The following DPP10 variants were observed in gnomAD, a reference collection of about 807,000 sequenced individuals.
The protein encoded by DPP10 is dipeptidyl peptidase like 10.
DPP10 carries 33 observed loss-of-function variants against 120.9 expected under a neutral mutation model. The observed-to-expected ratio is 0.27, with a 90% CI of 0.21 to 0.37. The LOEUF (loss-of-function observed/expected upper bound fraction) is 0.37, where lower values mean the gene tolerates loss of function less well. Ranked by LOEUF, DPP10 falls within the 10% of genes least tolerant of loss-of-function variation. DPP10 has a pLI of 1.00. For synonymous variants in DPP10, 337 were observed against 326.1 expected, an observed-to-expected ratio of 1.03 and a Z score of -0.36; for missense variants, 816 against 942.8, an observed-to-expected ratio of 0.87 and a Z score of 1.76.
chr2:115,752,337 T>C (rs970249307), intron 10 of DPP10, among the ~76,000 whole-genome samples: 4 of 152,120 alleles, frequency 2.6e-5, no homozygotes, highest in African/African-American at 9.7e-5. Context: ...TGCGTGTGAG[T>C]TGGAAGCTTT....
intron 3 of DPP10, among the ~76,000 whole-genome samples, chr2:115,407,603 G>A (rs1473917018): frequency 6.6e-6 from 1 of 152,080 alleles, no homozygotes; most frequent in East Asian, 1.9e-4. Context: ...CAAGGGGTGG[G>A]TGAGGACAGC....
chr2:115,627,364 G>C (rs937976921), intron 5 of DPP10, among the ~76,000 whole-genome samples: 1 of 152,062 alleles, frequency 6.6e-6, no homozygotes, highest in Admixed American at 6.6e-5. Flanking sequence ...GCTAGGGGAG[G>C]AGAGCACCCC....
At chr2:114,539,593 T>C (rs1278036105) in intron 1 of DPP10, among the ~76,000 whole-genome samples, 1 of 152,220 alleles carries the variant, frequency 6.6e-6, no homozygotes, top group Non-Finnish European at 1.5e-5. Context: ...CTAATTCTTA[T>C]GCAGCTTTCA....
At chr2:115,050,579 A>G (rs148714150) in intron 1 of DPP10, among the ~76,000 whole-genome samples, 1 of 152,304 alleles carries the variant, frequency 6.6e-6, no homozygotes, top group Non-Finnish European at 1.5e-5. Flanking sequence ...ATTAATTAAA[A>G]GCTTAGGATG....
At chr2:114,955,055 A>C (rs1360075237) in intron 1 of DPP10, among the ~76,000 whole-genome samples, 1 of 152,232 alleles carries the variant, frequency 6.6e-6, no homozygotes, top group Non-Finnish European at 1.5e-5. Flanking sequence ...GGATTCTTGG[A>C]CCTTGCATAA....
At chr2:115,447,095 G>T (rs182554313) in intron 3 of DPP10, among the ~76,000 whole-genome samples, 24 of 152,258 alleles carry the variant, frequency 1.6e-4, no homozygotes, top group Non-Finnish European at 3.5e-4. Flanking sequence ...ATCTGCCCAA[G>T]GCCATGTGAA....
At chr2:115,558,018 G>A (rs546868011) in intron 5 of DPP10, among the ~76,000 whole-genome samples, 121 of 152,212 alleles carry the variant, frequency 7.9e-4, no homozygotes, top group African/African-American at 2.8e-3. Flanking sequence ...GTCAGGTAAC[G>A]ATGTATATAT....
chr2:115,734,521 TG>T (rs2092986809), intron 8 of DPP10, among the ~76,000 whole-genome samples: 1 of 151,884 alleles, frequency 6.6e-6, no homozygotes, highest in Non-Finnish European at 1.5e-5. Flanking sequence ...CTGGGCCTGG[TG>T]GTGAGCACCT....
Position 115,777,217 on chromosome 2 carries a change from G to C in DPP10, c.1231G>C (p.Glu411Gln). The change falls in exon 14 of 26, where the codon GAG becomes CAG. Residue 411 changes from glutamate (E) to glutamine (Q), a missense_variant. By Grantham distance (29) the Glu-to-Gln change is conservative (BLOSUM62 2). This residue lies in a region of DPP10 where 592 missense variants were observed against 649.0 expected (regional missense o/e 0.91). Transcript: ENST00000410059. ...TTCTATTTCTTTGCAGAGTAAAAGT[G>C]AGCAAATTACCGTGCGGCATCTGAC... ...VAMFLIQSKS[E>Q]QITVRHLTSG... 1 of 1,612,874 alleles carries C rather than the reference G, an allele frequency of 6.2e-7. No homozygotes were observed. The highest frequency in any genetic ancestry group is 8.5e-7 in the Non-Finnish European group (1 of 1,179,202).
At chr2:115,219,925 T>C (rs991463312) in intron 1 of DPP10, among the ~76,000 whole-genome samples, 2 of 152,162 alleles carry the variant, frequency 1.3e-5, no homozygotes, top group African/African-American at 4.8e-5. Flanking sequence ...TCACCTGTCA[T>C]CAACAACTAG....
chr2:114,585,162 C>T (rs979566), intron 1 of DPP10, among the ~76,000 whole-genome samples: 24 of 152,132 alleles, frequency 1.6e-4, no homozygotes, highest in Non-Finnish European at 3.5e-4. Flanking sequence ...ATCATATGAC[C>T]TACACTCTCC....
chr2:114,611,426 G>A (rs1185298186), intron 1 of DPP10, among the ~76,000 whole-genome samples: 1 of 152,028 alleles, frequency 6.6e-6, no homozygotes, highest in Non-Finnish European at 1.5e-5. Flanking sequence ...GCATAAAGAT[G>A]AACAACTTAT....
At chr2:115,457,704 C>A (rs2073684374) in intron 3 of DPP10, among the ~76,000 whole-genome samples, 1 of 152,066 alleles carries the variant, frequency 6.6e-6, no homozygotes, top group Admixed American at 6.6e-5. Context: ...AGACTAGAAC[C>A]TTTATGCATT....
intron 1 of DPP10, among the ~76,000 whole-genome samples, chr2:115,017,273 C>G (rs943955149): frequency 2.0e-5 from 3 of 151,486 alleles, no homozygotes; most frequent in Non-Finnish European, 2.9e-5. Flanking sequence ...CACTGGCCAT[C>G]AGAGAAATGC....
At chr2:115,594,931 A>G (rs1411155745) in intron 5 of DPP10, among the ~76,000 whole-genome samples, 1 of 152,176 alleles carries the variant, frequency 6.6e-6, no homozygotes, top group Non-Finnish European at 1.5e-5. Flanking sequence ...TAACACATTT[A>G]TATAAATATA....
chr2:114,644,362 G>GTGTC (rs1486405419), intron 1 of DPP10, among the ~76,000 whole-genome samples: 1 of 150,764 alleles, frequency 6.6e-6, no homozygotes, highest in African/African-American at 2.5e-5. Flanking sequence ...GTGTGTGTGT[G>GTGTC]TGTCTGTGTG....
At chr2:114,480,744 T>C (rs1217245853) in intron 1 of DPP10, among the ~76,000 whole-genome samples, 8 of 150,332 alleles carry the variant, frequency 5.3e-5, no homozygotes, top group African/African-American at 1.7e-4. Context: ...CATTGGGAGA[T>C]ATACCTAATG....
rs116353183 is a variant in DPP10, at chr2:115,574,796, C to T, written c.441+48824C>T. Among the ~76,000 whole-genome samples the T allele has an allele frequency of 3.1e-3, 479 of 152,266 alleles. 2 individuals are homozygous for T. The highest frequency in any genetic ancestry group is 0.011 in the African/African-American group (448 of 41,550). Reference sequence around the variant, plus strand: ...CGGGCATTGCAGTTCCTTAGATGTACGTGACCTCCAGGGCCCTCTCACATT... The same window carrying T: ...CGGGCATTGCAGTTCCTTAGATGTATGTGACCTCCAGGGCCCTCTCACATT... On this transcript the variant is annotated intron_variant, in intron 5 of 25. Coordinates refer to ENST00000410059, the MANE Select transcript of DPP10 (RefSeq NM_020868.6).
chr2:114,852,266 T>C (rs1486680190), intron 1 of DPP10, among the ~76,000 whole-genome samples: 1 of 144,910 alleles, frequency 6.9e-6, no homozygotes, highest in Non-Finnish European at 1.5e-5. Flanking sequence ...ATCACCCCTC[T>C]GGCCTTTCAA....
Sources: allele counts gnomAD v4.1 joint callset (sites outside exome capture counted in the v4.1 genomes callset), GRCh38; gene constraint gnomAD v4.1.1; regional missense constraint gnomAD v4.1.1; transcripts MANE v1.5; gene names NCBI Gene and HGNC (gene_info 2026-07-23, HGNC 2026-07-21).